VPS37A: variants seen among roughly 807,000 people sequenced by gnomAD.
VPS37A encodes VPS37A subunit of ESCRT-I, also known as vacuolar protein sorting-associated protein 37A.
VPS37A carries 30 observed loss-of-function variants against 49.8 expected under a neutral mutation model. The ratio of observed to expected loss-of-function variants is 0.60; its 90% CI spans 0.45 to 0.82. The LOEUF (loss-of-function observed/expected upper bound fraction) is 0.82, where lower values mean the gene tolerates loss of function less well. Among genes scored for constraint, VPS37A ranks in the 40% least tolerant of loss-of-function variants. The probability of loss-of-function intolerance (pLI) is 0.00; values close to 1 mark genes in which losing one functional copy is unlikely to be tolerated. For synonymous variants in VPS37A, 195 were observed against 160.6 expected, an observed-to-expected ratio of 1.21 and a Z score of -1.62; for missense variants, 593 against 464.4, an observed-to-expected ratio of 1.28 and a Z score of -2.55.
At chr8:17,317,787 C>T in the VPS37A span, among the ~76,000 whole-genome samples, 2 of 152,150 alleles carry the variant, frequency 1.3e-5, no homozygotes, top group African/African-American at 4.8e-5. Flanking sequence ...ATACTTCCGC[C>T]ATAAATTGCA....
the VPS37A span, among the ~76,000 whole-genome samples, chr8:17,331,631 T>A: frequency 6.6e-6 from 1 of 152,308 alleles, no homozygotes; most frequent in Non-Finnish European, 1.5e-5. Flanking sequence ...ATACCACACA[T>A]AACCGGTAGG....
At chr8:17,273,703 T>A (rs1233108300) in intron 4 of VPS37A, among the ~76,000 whole-genome samples, 1 of 152,062 alleles carries the variant, frequency 6.6e-6, no homozygotes, top group Non-Finnish European at 1.5e-5. Flanking sequence ...TTTCTGTACC[T>A]TCCTTTTTCA....
At chr8:17,301,824 T>C, downstream of VPS37A, 1 of 363,426 alleles carries the variant, frequency 2.8e-6, no homozygotes, top group Non-Finnish European at 4.9e-6. Context: ...TACATATATT[T>C]GATTTTATTC....
chr8:17,330,560 T>C, the VPS37A span, among the ~76,000 whole-genome samples: 1 of 152,236 alleles, frequency 6.6e-6, no homozygotes, highest in Non-Finnish European at 1.5e-5. Context: ...TGAATAACTC[T>C]TCTCTATTAC....
At chr8:17,272,979 A>AT (rs1814143053) in intron 4 of VPS37A, among the ~76,000 whole-genome samples, 1 of 69,922 alleles carries the variant, frequency 1.4e-5, no homozygotes, top group South Asian at 4.2e-4. Flanking sequence ...ATAGTATTGT[A>AT]TTTTCCCCCT....
chr8:17,290,411 A>C (rs1183370438), intron 11 of VPS37A, among the ~76,000 whole-genome samples: 1 of 152,182 alleles, frequency 6.6e-6, no homozygotes, highest in Admixed American at 6.5e-5. Context: ...ATTTTATCGA[A>C]GGCCTTTTCT....
intron 9 of VPS37A, among the ~76,000 whole-genome samples, chr8:17,281,656 A>AAG (rs1270470495): frequency 1.3e-5 from 2 of 152,050 alleles, no homozygotes; most frequent in Non-Finnish European, 2.9e-5. Flanking sequence ...GACCAAAAAA[A>AAG]AGTGGTATAA....
intron 4 of VPS37A, among the ~76,000 whole-genome samples, chr8:17,273,923 A>G (rs538013952): frequency 6.6e-6 from 1 of 152,324 alleles, no homozygotes; most frequent in South Asian, 2.1e-4. Context: ...TTAATATTTA[A>G]AACATAACTG....
intron 4 of VPS37A, among the ~76,000 whole-genome samples, chr8:17,274,459 A>C (rs933910116): frequency 6.6e-6 from 1 of 150,744 alleles, no homozygotes. Context: ...ATCCACTTCT[A>C]CTCCGTCCAG....
chr8:17,273,397 C>G (rs528086339), intron 4 of VPS37A, among the ~76,000 whole-genome samples: 6 of 152,062 alleles, frequency 3.9e-5, no homozygotes, highest in Non-Finnish European at 8.8e-5. Context: ...CCTATACAAT[C>G]CCTATTTTCC....
the VPS37A span, among the ~76,000 whole-genome samples, chr8:17,318,999 G>A: frequency 3.9e-5 from 6 of 152,224 alleles, no homozygotes; most frequent in Non-Finnish European, 7.3e-5. Context: ...GTTTTTAACA[G>A]CAGGGATTTC....
At chr8:17,267,543 A>C (rs746104809) in intron 2 of VPS37A, among the ~76,000 whole-genome samples, 2 of 152,074 alleles carry the variant, frequency 1.3e-5, no homozygotes, top group African/African-American at 2.4e-5. Flanking sequence ...CTTGGGAGAG[A>C]TGTGTCATTT....
downstream of VPS37A, chr8:17,299,929 T>C (rs779550602): frequency 3.8e-5 from 61 of 1,614,038 alleles, no homozygotes; most frequent in Non-Finnish European, 4.7e-5. Flanking sequence ...CGGTGCATGC[T>C]CACCACCACT....
intron 4 of VPS37A, among the ~76,000 whole-genome samples, chr8:17,271,235 T>C (rs776404203): frequency 1.3e-5 from 2 of 152,226 alleles, no homozygotes; most frequent in Admixed American, 6.5e-5. Flanking sequence ...CTGTAGAAAT[T>C]AAGGGTCTGT....
At chr8:17,318,673 G>C in the VPS37A span, among the ~76,000 whole-genome samples, 6 of 152,294 alleles carry the variant, frequency 3.9e-5, no homozygotes, top group African/African-American at 1.4e-4. Flanking sequence ...TTCCAGGTTA[G>C]GGTCTGCTAC....
At chr8:17,276,718 C>G (rs1040280673) in intron 6 of VPS37A, among the ~76,000 whole-genome samples, 1 of 151,944 alleles carries the variant, frequency 6.6e-6, no homozygotes, top group Non-Finnish European at 1.5e-5. Context: ...TAACAAAATC[C>G]TTTCTGTCAT....
chr8:17,301,057 G>A (rs969884858), downstream of VPS37A, among the ~76,000 whole-genome samples: 4 of 152,244 alleles, frequency 2.6e-5, no homozygotes, highest in East Asian at 1.9e-4. Context: ...AATACATTTC[G>A]CCAGATTTCA....
chr8:17,304,554 T>C (rs773758056), downstream of VPS37A: 3 of 1,599,064 alleles, frequency 1.9e-6, no homozygotes, highest in Non-Finnish European at 2.6e-6. Flanking sequence ...AAATGACCTA[T>C]TTTGGTGCTT....
chr8:17,252,967 A>G (rs150978931), intron 1 of VPS37A, among the ~76,000 whole-genome samples: 119 of 152,336 alleles, frequency 7.8e-4, no homozygotes, highest in African/African-American at 2.8e-3. Context: ...AAACTTTGAC[A>G]CATTAAATTA....
Sources: allele counts gnomAD v4.1 joint callset (sites outside exome capture counted in the v4.1 genomes callset), GRCh38; gene constraint gnomAD v4.1.1; transcripts MANE v1.5; gene names NCBI Gene and HGNC (gene_info 2026-07-23, HGNC 2026-07-21).